Variants in UMAD1 observed in about 807,000 individuals in gnomAD.
The protein encoded by UMAD1 is UBAP1-MVB12-associated (UMA) domain containing 1, also known as UBAP1-MVB12-associated (UMA)-domain containing protein 1.
UMAD1 carries 8 observed loss-of-function variants against 6.1 expected under a neutral mutation model. That is an observed-to-expected ratio of 1.30 (90% CI 0.76 to 2.35). UMAD1 has a LOEUF of 2.35. UMAD1 is among the 30% of genes most tolerant of loss of function. UMAD1 has a pLI of 0.00. For missense variants in UMAD1, 130 were observed against 78.4 expected, an observed-to-expected ratio of 1.66 and a Z score of -2.49; for synonymous variants, 56 against 31.4, an observed-to-expected ratio of 1.78 and a Z score of -2.61.
chr7:7,695,537 T>G (rs892258309), intron 2 of UMAD1, among the ~76,000 whole-genome samples: 1 of 152,220 alleles, frequency 6.6e-6, no homozygotes, highest in African/African-American at 2.4e-5. Flanking sequence ...CCTAAATGTT[T>G]AGTCTCAGAG....
intron 2 of UMAD1, among the ~76,000 whole-genome samples, chr7:7,706,148 T>C (rs1780593637): frequency 6.6e-6 from 1 of 152,164 alleles, no homozygotes; most frequent in Non-Finnish European, 1.5e-5. Flanking sequence ...TAGTGTTGTG[T>C]ATGTTGACTG....
intron 3 of UMAD1, among the ~76,000 whole-genome samples, chr7:7,843,889 G>A (rs1489770367): frequency 6.6e-6 from 1 of 152,076 alleles, no homozygotes; most frequent in Non-Finnish European, 1.5e-5. Context: ...AAAACTAACA[G>A]GGAACCCCCA....
intron 3 of UMAD1, among the ~76,000 whole-genome samples, chr7:7,874,397 C>G (rs1184295765): frequency 1.3e-5 from 2 of 152,188 alleles, no homozygotes; most frequent in Non-Finnish European, 2.9e-5. Flanking sequence ...TATCACCTTT[C>G]CAACAATATG....
At chr7:7,869,790 A>C (rs751009367) in intron 3 of UMAD1, among the ~76,000 whole-genome samples, 2 of 152,208 alleles carry the variant, frequency 1.3e-5, no homozygotes, top group African/African-American at 4.8e-5. Context: ...GTGCCAGGAA[A>C]AATGTAGTTG....
chr7:7,867,052 G>T (rs1329166355), intron 3 of UMAD1, among the ~76,000 whole-genome samples: 1 of 152,162 alleles, frequency 6.6e-6, no homozygotes, highest in East Asian at 1.9e-4. Flanking sequence ...GATGATACAG[G>T]TTTCTGTGCT....
intron 3 of UMAD1, among the ~76,000 whole-genome samples, chr7:7,818,797 A>T (rs1783181706): frequency 6.6e-6 from 1 of 152,166 alleles, no homozygotes; most frequent in Admixed American, 6.5e-5. Flanking sequence ...TAAAGAAAAC[A>T]TGCTAATTTT....
chr7:7,730,128 G>A (rs990928344), intron 2 of UMAD1, among the ~76,000 whole-genome samples: 6 of 152,174 alleles, frequency 3.9e-5, no homozygotes, highest in African/African-American at 1.4e-4. Context: ...ATATGGGCAC[G>A]ATAATGTATC....
chr7:7,676,925 TTC>T (rs1779756001), intron 2 of UMAD1, among the ~76,000 whole-genome samples: 1 of 152,138 alleles, frequency 6.6e-6, no homozygotes. Context: ...TCTGCTAGGT[TTC>T]TCTTTTTATT....
chr7:7,656,738 C>G (rs2115083372), intron 1 of UMAD1, among the ~76,000 whole-genome samples: 1 of 152,222 alleles, frequency 6.6e-6, no homozygotes, highest in South Asian at 2.1e-4. Flanking sequence ...TGGTTTGGTT[C>G]CAAGTCTGCT....
intron 1 of UMAD1, among the ~76,000 whole-genome samples, chr7:7,672,737 G>C (rs1300232855): frequency 6.6e-6 from 1 of 152,148 alleles, no homozygotes; most frequent in Non-Finnish European, 1.5e-5. Flanking sequence ...GAAACTGTGA[G>C]TCAATTAAAT....
chr7:7,772,188 C>A (rs35023386), intron 2 of UMAD1, among the ~76,000 whole-genome samples: 9 of 151,938 alleles, frequency 5.9e-5, no homozygotes, highest in Non-Finnish European at 1.2e-4. Context: ...ATAGCTAAAC[C>A]TTTGTGTTTT....
chr7:7,658,880 G>T (rs182184195), intron 1 of UMAD1, among the ~76,000 whole-genome samples: 270 of 152,276 alleles, frequency 1.8e-3, no homozygotes, highest in African/African-American at 6.2e-3. Flanking sequence ...AGAAGGAATG[G>T]TACCAGCTCC....
intron 2 of UMAD1, among the ~76,000 whole-genome samples, chr7:7,681,632 A>G (rs1002633875): frequency 6.6e-6 from 1 of 152,090 alleles, no homozygotes; most frequent in South Asian, 2.1e-4. Flanking sequence ...CCTCCAGGGT[A>G]CTCATTTTAC....
intron 1 of UMAD1, 26 bp from the exon 2 acceptor site, chr7:7,673,283 G>C: frequency 8.8e-7 from 1 of 1,137,814 alleles, no homozygotes; most frequent in Non-Finnish European, 1.3e-6. Context: ...ATCTGAATTT[G>C]ACATTGTGTA....
chr7:7,769,593 A>G (rs1250340297), intron 2 of UMAD1, among the ~76,000 whole-genome samples: 3 of 152,058 alleles, frequency 2.0e-5, no homozygotes, highest in Non-Finnish European at 4.4e-5. Context: ...TGGGCTGCCT[A>G]CCCAGGCCAA....
At chr7:7,669,477 A>G (rs1779551796) in intron 1 of UMAD1, among the ~76,000 whole-genome samples, 1 of 152,212 alleles carries the variant, frequency 6.6e-6, no homozygotes. Context: ...TATGAAAAGA[A>G]TATCATGGGA....
At chr7:7,795,679 C>G (rs1419001879) in intron 2 of UMAD1, among the ~76,000 whole-genome samples, 2 of 152,150 alleles carry the variant, frequency 1.3e-5, no homozygotes, top group Admixed American at 6.5e-5. Flanking sequence ...TTTCCCAGAG[C>G]TGAGGGTTTC....
intron 2 of UMAD1, chr7:7,738,695 T>G (rs1781406551): frequency 6.6e-6 from 1 of 152,252 alleles, no homozygotes. Flanking sequence ...TTCTCTTGCT[T>G]TCCTATTTTC....
chr7:7,672,679 G>T (rs1779637253), intron 1 of UMAD1, among the ~76,000 whole-genome samples: 1 of 152,150 alleles, frequency 6.6e-6, no homozygotes, highest in African/African-American at 2.4e-5. Flanking sequence ...CTGTGAGGAG[G>T]TGACTTCCCC....
Sources: gnomAD v4.1 joint callset for allele counts (sites outside exome capture counted in the v4.1 genomes callset) on GRCh38, gnomAD v4.1.1 for gene constraint, MANE v1.5 for transcripts, NCBI Gene and HGNC (gene_info 2026-07-23, HGNC 2026-07-21) for gene names.